ZNF880: variants seen among roughly 807,000 people sequenced by gnomAD.
ZNF880 encodes the protein zinc finger protein LOC400713.
A neutral mutation model predicts 11.8 loss-of-function variants in ZNF880; 12 were observed. The ratio of observed to expected loss-of-function variants is 1.02; its 90% CI spans 0.65 to 1.65. The LOEUF (loss-of-function observed/expected upper bound fraction) is 1.65. Among genes scored for constraint, ZNF880 ranks in the 40% most tolerant of loss-of-function variants. The pLI is 0.00. For synonymous variants in ZNF880, 210 were observed against 232.4 expected, an observed-to-expected ratio of 0.90 and a Z score of 0.88; for missense variants, 601 against 673.9, an observed-to-expected ratio of 0.89 and a Z score of 1.20.
At chr19:52,392,795 G>T in the ZNF880 span, 1 of 222,252 alleles carries the variant, frequency 4.5e-6, no homozygotes, top group Non-Finnish European at 1.0e-5. Context: ...ACAGGTAAGA[G>T]CTCAGATGGG....
downstream of ZNF880, among the ~76,000 whole-genome samples, chr19:52,386,171 C>CAAAAAA (rs10674709): frequency 1.3e-5 from 1 of 77,318 alleles, no homozygotes; most frequent in African/African-American, 5.9e-5. Context: ...GACTCTGTCT[C>CAAAAAA]AAAAAAAAAA....
the ZNF880 span, among the ~76,000 whole-genome samples, chr19:52,394,093 C>A: frequency 6.6e-6 from 1 of 152,048 alleles, no homozygotes; most frequent in Non-Finnish European, 1.5e-5. Context: ...CCTGCCTTGG[C>A]CTCCCAAAGT....
intron 3 of ZNF880, among the ~76,000 whole-genome samples, chr19:52,382,996 T>C (rs990312512): frequency 6.6e-6 from 1 of 152,236 alleles, no homozygotes; most frequent in Non-Finnish European, 1.5e-5. Context: ...TCTTTGGAGC[T>C]GATTCTTTTG....
intron 1 of ZNF880, chr19:52,370,311 C>G: frequency 5.7e-6 from 2 of 353,290 alleles, no homozygotes; most frequent in Non-Finnish European, 5.3e-6. Context: ...TCCGGTCCCC[C>G]AAGCCTCGCC....
chr19:52,382,380 A>G (rs1191740366), intron 3 of ZNF880, among the ~76,000 whole-genome samples: 1 of 152,052 alleles, frequency 6.6e-6, no homozygotes, highest in Non-Finnish European at 1.5e-5. Context: ...TGAACTTTCT[A>G]TTTTCATTGA....
At chr19:52,386,324 CAT>C (rs1013234593), downstream of ZNF880, among the ~76,000 whole-genome samples, 2 of 143,156 alleles carry the variant, frequency 1.4e-5, no homozygotes, top group Non-Finnish European at 3.0e-5. Flanking sequence ...GGGGAGGAAT[CAT>C]ATAAAATGAT....
Position 52,385,293 on chromosome 19 carries a change from T to C in ZNF880, c.1713T>C (p.Thr571=), listed in dbSNP as rs1474390694. 2 of 1,552,032 alleles carry C rather than the reference T, an allele frequency of 1.3e-6. No individual in the cohort carries two copies. Among genetic ancestry groups the C allele is most frequent in the Non-Finnish European group, 1.7e-6 (2 of 1,147,190 alleles). ...SNLANHHRIH[T]GEKPYR is the part of the protein sequence containing the mutation. ...TGGCAAATCATCACAGAATCCATAC[T>C]GGAGAGAAACCGTACAGATGAAATG... Residue 571 remains threonine (T), a synonymous_variant, in exon 4 of 4, where the codon ACT becomes ACC. Transcript: ENST00000422689.
rs764327344 is a variant in ZNF880, at chr19:52,384,357, G to C, written c.777G>C (p.Gln259His). The change falls in exon 4 of 4, where the codon CAG becomes CAC. Residue 259 changes from glutamine to histidine, a missense_variant. Gln to His is a conservative substitution (Grantham distance 24). This residue lies in a region of ZNF880 where 420 missense variants were observed against 442.6 expected (regional missense o/e 0.95). Transcript: ENST00000422689. ...FNRISLLARH[Q>H]RIHTGEKPYK... is the part of the protein sequence containing the mutation. Reference sequence around the variant, plus strand: ...GAATTTCACTCCTTGCACGACATCAGAGAATACATACTGGAGAGAAACCTT... The same window carrying C: ...GAATTTCACTCCTTGCACGACATCACAGAATACATACTGGAGAGAAACCTT... The C allele has an allele frequency of 3.3e-5, 53 of 1,613,646 alleles. No individual in the cohort carries two copies. The highest frequency in any genetic ancestry group is 1.6e-4 in the Middle Eastern group (1 of 6,084).
At chr19:52,391,855 TAGG>T in the ZNF880 span, among the ~76,000 whole-genome samples, 13,545 of 151,686 alleles carry the variant, frequency 0.089, 824 homozygotes, top group South Asian at 0.29. Flanking sequence ...GTGTATAAGA[TAGG>T]AGGAAAAACC....
chr19:52,396,329 G>A, the ZNF880 span: 1 of 152,136 alleles, frequency 6.6e-6, no homozygotes, highest in Non-Finnish European at 1.5e-5. Context: ...CCTGGATCTG[G>A]AGGTAGAGGC....
chr19:52,381,103 G>GT (rs980714480), intron 3 of ZNF880, among the ~76,000 whole-genome samples: 39 of 151,814 alleles, frequency 2.6e-4, no homozygotes, highest in Admixed American at 7.9e-4. Context: ...TCTATACTTA[G>GT]TTTTTTTAAA....
At chr19:52,368,676 A>AT (rs1185549741), upstream of ZNF880, among the ~76,000 whole-genome samples, 1 of 152,110 alleles carries the variant, frequency 6.6e-6, no homozygotes, top group Non-Finnish European at 1.5e-5. Context: ...CCTAGCATGT[A>AT]TATTTTTATA....
chr19:52,388,992 A>G (rs995719377), downstream of ZNF880: 1 of 152,338 alleles, frequency 6.6e-6, no homozygotes, highest in East Asian at 1.9e-4. Context: ...TTATAAAACC[A>G]TAAGATCTCA....
At chr19:52,394,491 T>C in the ZNF880 span, among the ~76,000 whole-genome samples, 3 of 152,292 alleles carry the variant, frequency 2.0e-5, no homozygotes, top group South Asian at 6.2e-4. Context: ...TGCCTTGGCC[T>C]CCCAAAGTGC....
chr19:52,376,757 G>A (rs966877431), intron 3 of ZNF880, among the ~76,000 whole-genome samples: 1 of 151,928 alleles, frequency 6.6e-6, no homozygotes, highest in African/African-American at 2.4e-5. Context: ...TGATCCACCC[G>A]CCTTGGGCTC....
Position 52,369,963 on chromosome 19 carries a change from G to T in ZNF880, c.-3G>T, listed in dbSNP as rs1218582900. The T allele has an allele frequency of 6.4e-7, 1 of 1,551,666 alleles. No homozygotes were observed. Among genetic ancestry groups the T allele is most frequent in the South Asian group, 1.2e-5 (1 of 84,062 alleles). On this transcript the variant is annotated 5_prime_UTR_variant, in exon 1 of 4. Coordinates refer to ENST00000422689, the MANE Select transcript of ZNF880 (RefSeq NM_001145434.2). ...CGGAAGCAGATTACGTGGAGTGACG[G>T]TCATGCTGCGGCGTGTGAGTTTCCC... is the stretch of plus-strand genomic sequence containing the variant.
At chr19:52,378,645 CAAAAAAAAAAAAAAAA>C (rs3070397) in intron 3 of ZNF880, among the ~76,000 whole-genome samples, 2 of 85,182 alleles carry the variant, frequency 2.3e-5, no homozygotes, top group African/African-American at 9.1e-5. Flanking sequence ...GACTCTGTCT[CAAAAAAAAAAAAAAAA>C]AAAAAGAAAG....
At chr19:52,388,201 T>C (rs1249651981), downstream of ZNF880, among the ~76,000 whole-genome samples, 1 of 150,204 alleles carries the variant, frequency 6.7e-6, no homozygotes, top group African/African-American at 2.5e-5. Context: ...AATGGTCACA[T>C]AGAATGGGAG....
At chr19:52,370,154 C>T (rs1474702280) in intron 1 of ZNF880, 177 bp downstream of exon 1, 10 of 786,566 alleles carry the variant, frequency 1.3e-5, no homozygotes, top group Middle Eastern at 3.1e-4. Flanking sequence ...TAAAATCGCT[C>T]GGAGGCTGGT....
Sources: gnomAD v4.1 joint callset for allele counts (sites outside exome capture counted in the v4.1 genomes callset) on GRCh38, gnomAD v4.1.1 for gene constraint, gnomAD v4.1.1 regional missense constraint, MANE v1.5 for transcripts, NCBI Gene and HGNC (gene_info 2026-07-23, HGNC 2026-07-21) for gene names.